NXPH2: variants seen among roughly 807,000 people sequenced by gnomAD.
The protein encoded by NXPH2 is neurexophilin 2.
A neutral mutation model predicts 19.8 loss-of-function variants in NXPH2; 5 were observed. The ratio of observed to expected loss-of-function variants is 0.25; its 90% confidence interval spans 0.13 to 0.53. The LOEUF is 0.53. Among genes scored for constraint, NXPH2 ranks in the 20% least tolerant of loss-of-function variants. The pLI is 0.96. For synonymous variants in NXPH2, 154 were observed against 127.4 expected (o/e 1.21, Z -1.41); for missense variants, 289 against 322.8 (o/e 0.90, Z 0.80).
At chr2:138,721,511 A>C (rs1681279232) in intron 1 of NXPH2, among the ~76,000 whole-genome samples, 1 of 152,104 alleles carries the variant, frequency 6.6e-6, no homozygotes, top group Admixed American at 6.6e-5. Context: ...ATGTTTTATA[A>C]AGACCCTCCT....
rs538999450 is a variant in NXPH2, at chr2:138,748,535, A to G, written c.51+31656T>C. Among the ~76,000 whole-genome samples the G allele has an allele frequency of 1.4e-3, 217 of 152,304 alleles. 2 individuals are homozygous for G. Among genetic ancestry groups the G allele is most frequent in the African/African-American group, 5.1e-3 (211 of 41,570 alleles). On this transcript the variant is annotated intron_variant, in intron 1 of 1. Transcript: ENST00000272641. ...GTGCCTGGAACAATTTATTGCTGAAATGGATAGAAATAAATTAGAAATAAA... is the reference window on the plus strand; with the variant it reads ...GTGCCTGGAACAATTTATTGCTGAAGTGGATAGAAATAAATTAGAAATAAA...
At chr2:138,778,216 G>A (rs772893887) in intron 1 of NXPH2, among the ~76,000 whole-genome samples, 12 of 152,244 alleles carry the variant, frequency 7.9e-5, no homozygotes, top group African/African-American at 2.9e-4. Context: ...GGATGGCAGC[G>A]TAAGGAATGT....
At chr2:138,768,545 A>G (rs974348059) in intron 1 of NXPH2, among the ~76,000 whole-genome samples, 1 of 152,228 alleles carries the variant, frequency 6.6e-6, no homozygotes. Flanking sequence ...GATTGTAGAG[A>G]CAGGGAAAAA....
intron 1 of NXPH2, among the ~76,000 whole-genome samples, chr2:138,712,167 C>T (rs574349099): frequency 7.9e-5 from 12 of 152,260 alleles, no homozygotes; most frequent in South Asian, 4.1e-4. Flanking sequence ...GCACGTGCAT[C>T]GCAGAATGCC....
Position 138,697,448 on chromosome 2 carries a change from T to C in NXPH2, c.52-25783A>G, listed in dbSNP as rs567722619. 1.4e-4 allele frequency among the ~76,000 whole-genome samples: 21 copies of C among 152,196 alleles called. No individual in the cohort carries two copies. The East Asian group carries it at 4.1e-3, about 29-fold the overall frequency. On this transcript the variant is annotated intron_variant, in intron 1 of 1. Transcript: ENST00000272641. ...GGTAAGAATATACATTTAATGGAAG[T>C]ATTAAAAGATAATTTATATGGGTAC...
At chr2:138,772,298 A>ATTATTTAT (rs56067113) in intron 1 of NXPH2, among the ~76,000 whole-genome samples, 69,115 of 151,398 alleles carry the variant, frequency 0.46, 16,257 homozygotes, top group African/African-American at 0.56. Context: ...GTTAAATTTT[A>ATTATTTAT]TTATTTATTT....
intron 1 of NXPH2, among the ~76,000 whole-genome samples, chr2:138,683,168 T>C (rs886891613): frequency 1.3e-5 from 2 of 152,182 alleles, no homozygotes; most frequent in Non-Finnish European, 2.9e-5. Context: ...AGGTATTCTT[T>C]TGATAATCTA....
At chr2:138,706,032 G>GT (rs2104984950) in intron 1 of NXPH2, among the ~76,000 whole-genome samples, 1 of 152,340 alleles carries the variant, frequency 6.6e-6, no homozygotes, top group East Asian at 1.9e-4. Flanking sequence ...AGGATGCAAA[G>GT]TTGAAAACCA....
intron 1 of NXPH2, among the ~76,000 whole-genome samples, chr2:138,753,981 T>C (rs1176639792): frequency 6.6e-6 from 1 of 152,126 alleles, no homozygotes; most frequent in African/African-American, 2.4e-5. Flanking sequence ...TCCTCTTCAG[T>C]GAGGTTATTT....
intron 1 of NXPH2, among the ~76,000 whole-genome samples, chr2:138,734,357 A>G (rs911479777): frequency 6.6e-6 from 1 of 152,214 alleles, no homozygotes; most frequent in Admixed American, 6.5e-5. Flanking sequence ...GAGTCTGACT[A>G]TCTGTCATAT....
chr2:138,755,827 A>G (rs4346319), intron 1 of NXPH2, among the ~76,000 whole-genome samples: 5,282 of 152,086 alleles, frequency 0.035, 125 homozygotes, highest in Middle Eastern at 0.075. Flanking sequence ...CCATTTATTT[A>G]GATTTTTTTT....
intron 1 of NXPH2, among the ~76,000 whole-genome samples, chr2:138,757,900 C>T (rs920218391): frequency 6.6e-6 from 1 of 151,812 alleles, no homozygotes; most frequent in Non-Finnish European, 1.5e-5. Flanking sequence ...TGAACCCTGA[C>T]TGATACATAC....
chr2:138,778,257 C>A lies in NXPH2; in HGVS notation c.51+1934G>T, dbSNP rs77059847. ...TATCAACAGGGCTGCAGCTCCCTAC[C>A]TCACTTACCATGATAAAGTGCTCCA... On this transcript the variant is annotated intron_variant, in intron 1 of 1. Transcript: ENST00000272641. 7.2e-3 allele frequency among the ~76,000 whole-genome samples: 1,100 copies of A among 152,298 alleles called. 11 individuals carry two copies. The highest frequency in any genetic ancestry group is 0.024 in the African/African-American group (1,015 of 41,560).
At chr2:138,729,678 C>G (rs900115679) in intron 1 of NXPH2, among the ~76,000 whole-genome samples, 3 of 152,218 alleles carry the variant, frequency 2.0e-5, no homozygotes, top group Admixed American at 6.5e-5. Context: ...CTTCTTTCCA[C>G]AGCAGCACAC....
intron 1 of NXPH2, among the ~76,000 whole-genome samples, chr2:138,762,018 A>T (rs879419278): frequency 1.3e-5 from 2 of 152,226 alleles, no homozygotes; most frequent in Admixed American, 1.3e-4. Flanking sequence ...GTTCTCAGAG[A>T]AAGAGCTTAG....
At chr2:138,690,561 T>C (rs1163428732) in intron 1 of NXPH2, among the ~76,000 whole-genome samples, 1 of 151,004 alleles carries the variant, frequency 6.6e-6, no homozygotes, top group African/African-American at 2.5e-5. Flanking sequence ...TCTTTGACTT[T>C]CTCTCAAAAA....
intron 1 of NXPH2, among the ~76,000 whole-genome samples, chr2:138,771,200 G>A (rs1398907819): frequency 1.3e-5 from 2 of 151,928 alleles, no homozygotes. Flanking sequence ...TAATTAGAAA[G>A]ATTAAATATA....
At chr2:138,697,234 CTT>C (rs1368727655) in intron 1 of NXPH2, among the ~76,000 whole-genome samples, 1 of 152,060 alleles carries the variant, frequency 6.6e-6, no homozygotes, top group African/African-American at 2.4e-5. Flanking sequence ...AAGTTCTAAA[CTT>C]TGATTCTGGT....
chr2:138,669,386 C>T lies in NXPH2; in HGVS notation c.*1536G>A, dbSNP rs1680381648. ...TGTGGTGAACTCAGAGCAAGAACTTCAAGCCTGTACTACCACACACTAAGC... is the reference window on the plus strand; with the variant it reads ...TGTGGTGAACTCAGAGCAAGAACTTTAAGCCTGTACTACCACACACTAAGC... On this transcript the variant is annotated 3_prime_UTR_variant, in exon 2 of 2. Transcript: ENST00000272641. Among the ~76,000 whole-genome samples, 1 of 152,070 alleles carries T rather than the reference C, an allele frequency of 6.6e-6. No individual in the cohort carries two copies. Among genetic ancestry groups the T allele is most frequent in the African/African-American group, 2.4e-5 (1 of 41,428 alleles).
Sources: gnomAD v4.1 joint callset for allele counts (sites outside exome capture counted in the v4.1 genomes callset) on GRCh38, gnomAD v4.1.1 for gene constraint, MANE v1.5 for transcripts, NCBI Gene and HGNC (gene_info 2026-07-23, HGNC 2026-07-21) for gene names.